Variants in RSRC1 observed in about 807,000 individuals in gnomAD.
The protein encoded by RSRC1 is serine/Arginine-related protein 53.
Under a neutral mutation model 49.1 loss-of-function variants are expected in RSRC1, and 39 were observed. That is an observed-to-expected ratio of 0.79 (90% CI 0.61 to 1.04). The LOEUF is 1.04. Ranked by LOEUF, RSRC1 falls within the 50% of genes least tolerant of loss-of-function variation. RSRC1 has a pLI of 0.00. For missense variants in RSRC1, 388 were observed against 402.4 expected (o/e 0.96, Z 0.31); for synonymous variants, 143 against 130.8 (o/e 1.09, Z -0.63).
intron 4 of RSRC1, among the ~76,000 whole-genome samples, chr3:158,243,992 A>C (rs1436260418): frequency 6.7e-6 from 1 of 148,410 alleles, no homozygotes; most frequent in Non-Finnish European, 1.5e-5. Flanking sequence ...TGTCATCTGC[A>C]AGCAAAGATA....
intron 6 of RSRC1, among the ~76,000 whole-genome samples, chr3:158,369,586 G>A (rs1262100457): frequency 6.6e-6 from 1 of 152,076 alleles, no homozygotes; most frequent in African/African-American, 2.4e-5. Flanking sequence ...TTTAAAAACT[G>A]TTTAAATAGA....
At chr3:158,137,994 A>G (rs1415991279) in intron 3 of RSRC1, among the ~76,000 whole-genome samples, 1 of 151,930 alleles carries the variant, frequency 6.6e-6, no homozygotes, top group African/African-American at 2.4e-5. Context: ...GTTTTTTCTC[A>G]GGTTTTTAAC....
intron 6 of RSRC1, among the ~76,000 whole-genome samples, chr3:158,406,061 T>A (rs1734148066): frequency 6.6e-6 from 1 of 152,088 alleles, no homozygotes. Context: ...TCAACTTTGT[T>A]TGCAAATTGT....
chr3:158,469,196 T>C (rs1327855454), intron 7 of RSRC1: 1 of 289,238 alleles, frequency 3.5e-6, no homozygotes, highest in African/African-American at 2.2e-5. Flanking sequence ...CTTGTCTCTT[T>C]ACTAAGCCAG....
intron 7 of RSRC1, among the ~76,000 whole-genome samples, chr3:158,528,757 T>C (rs577391386): frequency 1.3e-5 from 2 of 152,122 alleles, no homozygotes; most frequent in African/African-American, 4.8e-5. Flanking sequence ...CCTATTAAAA[T>C]AAGAAAACTT....
At chr3:158,446,576 A>G (rs961587413) in intron 6 of RSRC1, among the ~76,000 whole-genome samples, 2 of 151,926 alleles carry the variant, frequency 1.3e-5, no homozygotes, top group Non-Finnish European at 2.9e-5. Flanking sequence ...TGTGTTTCTT[A>G]TTTATTTTTA....
chr3:158,139,027 ATTTG>A (rs577893347), intron 3 of RSRC1, among the ~76,000 whole-genome samples: 4 of 152,118 alleles, frequency 2.6e-5, no homozygotes, highest in South Asian at 2.1e-4. Context: ...AGATCATCAT[ATTTG>A]TTCTGTTTTC....
intron 4 of RSRC1, 91 bp downstream of exon 4, chr3:158,203,336 G>T: frequency 7.6e-7 from 1 of 1,318,662 alleles, no homozygotes; most frequent in Non-Finnish European, 1.0e-6. Flanking sequence ...TTTTCTTGTG[G>T]CTTATTTGCT....
chr3:158,506,456 C>T (rs115390268), intron 7 of RSRC1, among the ~76,000 whole-genome samples: 100 of 151,980 alleles, frequency 6.6e-4, no homozygotes, highest in Non-Finnish European at 1.1e-3. Context: ...TTTAGAGACT[C>T]TTATTGTACA....
chr3:158,181,381 G>A (rs1237573370), intron 3 of RSRC1, among the ~76,000 whole-genome samples: 3 of 152,152 alleles, frequency 2.0e-5, no homozygotes, highest in African/African-American at 7.2e-5. Flanking sequence ...TCTGTCACCT[G>A]GGAAAGTGTC....
At chr3:158,350,553 C>T (rs1335500123) in intron 5 of RSRC1, among the ~76,000 whole-genome samples, 3 of 152,158 alleles carry the variant, frequency 2.0e-5, no homozygotes, top group Non-Finnish European at 4.4e-5. Flanking sequence ...TCTAAGGCCT[C>T]TCTTCTTGGC....
chr3:158,346,855 T>C (rs966670257), intron 5 of RSRC1, among the ~76,000 whole-genome samples: 10 of 152,330 alleles, frequency 6.6e-5, no homozygotes, highest in African/African-American at 1.9e-4. Flanking sequence ...AAATTGGAAA[T>C]ACTTTGAACA....
intron 4 of RSRC1, among the ~76,000 whole-genome samples, chr3:158,273,386 C>A (rs1028717348): frequency 3.3e-5 from 5 of 152,024 alleles, no homozygotes; most frequent in African/African-American, 1.2e-4. Context: ...TGGAAATAAG[C>A]TAAATATCTT....
At chr3:158,259,124 G>C (rs900332031) in intron 4 of RSRC1, among the ~76,000 whole-genome samples, 1 of 152,020 alleles carries the variant, frequency 6.6e-6, no homozygotes, top group Admixed American at 6.6e-5. Context: ...CGTGTTCATC[G>C]GTGTCTGGGC....
intron 4 of RSRC1, among the ~76,000 whole-genome samples, chr3:158,282,181 A>G (rs1726218701): frequency 6.6e-6 from 1 of 152,266 alleles, no homozygotes; most frequent in Non-Finnish European, 1.5e-5. Flanking sequence ...AAATGGATAT[A>G]TACATAGAAG....
Position 158,123,823 on chromosome 3 carries a change from A to G in RSRC1, c.195-43A>G, listed in dbSNP as rs537001587. 5 of 1,558,146 alleles carry G rather than the reference A, an allele frequency of 3.2e-6. No individual in the cohort carries two copies. In the South Asian group the frequency reaches 5.9e-5, roughly 18 times the overall value. ...AAGGTTTTTCCTTAATGCTCATAAT[A>G]AAAATTTTTATAGCAGTGATCTTTG... On this transcript the variant is annotated intron_variant, in intron 2 of 9. Transcript: ENST00000611884.
chr3:158,409,176 T>A (rs995292556), intron 6 of RSRC1, among the ~76,000 whole-genome samples: 2 of 152,114 alleles, frequency 1.3e-5, no homozygotes, highest in African/African-American at 4.8e-5. Context: ...GAACAATAAC[T>A]AATGGATACT....
At position 158,542,199 on chromosome 3, in the gene RSRC1, T is replaced by C. The variant is rs1713068238; in HGVS notation, c.760-1136T>C. Among the ~76,000 whole-genome samples, 2 of 152,172 alleles carry C rather than the reference T, an allele frequency of 1.3e-5. 1 individual carries two copies. Among genetic ancestry groups the C allele is most frequent in the South Asian group, 4.1e-4 (2 of 4,824 alleles). ...GACATTATTTAGCAATAAAGAATAA[T>C]GAAGTACTGATACATGCTGCAACAT... On this transcript the variant is annotated intron_variant, in intron 8 of 9. Coordinates refer to ENST00000611884, the MANE Select transcript of RSRC1 (RefSeq NM_001271838.2).
At chr3:158,518,301 C>A (rs541030604) in intron 7 of RSRC1, among the ~76,000 whole-genome samples, 146 of 150,250 alleles carry the variant, frequency 9.7e-4, no homozygotes, top group Non-Finnish European at 1.8e-3. Context: ...GTTTGTGTAA[C>A]ATCAAAATTA....
Sources: gnomAD v4.1 joint callset for allele counts (sites outside exome capture counted in the v4.1 genomes callset) on GRCh38, gnomAD v4.1.1 for gene constraint, MANE v1.5 for transcripts, NCBI Gene and HGNC (gene_info 2026-07-23, HGNC 2026-07-21) for gene names.